LAMA2: variants seen among roughly 807,000 people sequenced by gnomAD.
LAMA2 encodes the protein laminin subunit alpha-2.
A neutral mutation model predicts 364.8 loss-of-function variants in LAMA2; 269 were observed. That is an observed-to-expected ratio of 0.74 (90% confidence interval 0.67 to 0.82). The LOEUF (loss-of-function observed/expected upper bound fraction) is 0.82. Among genes scored for constraint, LAMA2 ranks in the 40% least tolerant of loss-of-function variants. LAMA2 has a pLI of 0.00. For synonymous variants in LAMA2, 1,379 were observed against 1,370.6 expected, an observed-to-expected ratio of 1.01 and a Z score of -0.14; for missense variants, 3,807 against 3,873.2, an observed-to-expected ratio of 0.98 and a Z score of 0.45.
intron 1 of LAMA2, among the ~76,000 whole-genome samples, chr6:128,986,347 G>A (rs1298888252): frequency 6.6e-6 from 1 of 151,966 alleles, no homozygotes; most frequent in Non-Finnish European, 1.5e-5. Flanking sequence ...AGTGAAAAAG[G>A]GTATTTCAAG....
chr6:129,338,175 G>A (rs1415584597), intron 29 of LAMA2, among the ~76,000 whole-genome samples: 1 of 152,040 alleles, frequency 6.6e-6, no homozygotes, highest in Non-Finnish European at 1.5e-5. Context: ...ATGATTATTG[G>A]CTTTAAGGAT....
At chr6:129,216,407 T>C (rs1783426109) in intron 12 of LAMA2, among the ~76,000 whole-genome samples, 1 of 152,182 alleles carries the variant, frequency 6.6e-6, no homozygotes, top group Non-Finnish European at 1.5e-5. Flanking sequence ...AGACACATAG[T>C]TATCTGAATT....
intron 16 of LAMA2, among the ~76,000 whole-genome samples, chr6:129,269,378 T>TA (rs11380655): frequency 5.9e-5 from 9 of 151,650 alleles, no homozygotes; most frequent in African/African-American, 9.7e-5. Context: ...TTTTTTTTTT[T>TA]ATTTCCATTA....
intron 3 of LAMA2, among the ~76,000 whole-genome samples, chr6:129,081,192 A>G (rs978554584): frequency 6.7e-6 from 1 of 149,284 alleles, no homozygotes; most frequent in African/African-American, 2.4e-5. Context: ...GAAACGAACA[A>G]TGAGAACACT....
rs183222020 is a variant in LAMA2, at chr6:129,240,626, T to C, written c.1783-9486T>C. Among the ~76,000 whole-genome samples, 158 of 152,340 alleles carry C rather than the reference T, an allele frequency of 1.0e-3. 1 individual carries two copies. Among genetic ancestry groups the C allele is most frequent in the Middle Eastern group, 6.8e-3 (2 of 294 alleles). On this transcript the variant is annotated intron_variant, in intron 12 of 64. Transcript: ENST00000421865. ...CTCTCTTAAATGGTGGTGTCATGAA[T>C]TGATCACAGTGCTCTGGATGTGCTC...
intron 1 of LAMA2, among the ~76,000 whole-genome samples, chr6:128,940,262 G>T (rs1780071999): frequency 6.6e-6 from 1 of 151,912 alleles, no homozygotes; most frequent in Non-Finnish European, 1.5e-5. Flanking sequence ...TCATCAGACT[G>T]TCTCCCTAGA....
At chr6:129,244,110 C>T (rs1460492876) in intron 12 of LAMA2, among the ~76,000 whole-genome samples, 1 of 152,090 alleles carries the variant, frequency 6.6e-6, no homozygotes, top group East Asian at 1.9e-4. Context: ...ACACCTACAA[C>T]TCTGGTTCAT....
At chr6:128,961,180 G>A (rs1011915649) in intron 1 of LAMA2, among the ~76,000 whole-genome samples, 2 of 150,792 alleles carry the variant, frequency 1.3e-5, no homozygotes, top group Admixed American at 1.3e-4. Context: ...TCTACAATAT[G>A]TAGATTTTCA....
chr6:129,302,272 T>A (rs1389157218), intron 22 of LAMA2, among the ~76,000 whole-genome samples: 1 of 152,156 alleles, frequency 6.6e-6, no homozygotes, highest in East Asian at 1.9e-4. Flanking sequence ...TGCCCAGTAA[T>A]GTTGGGAATC....
chr6:129,087,936 C>A (rs1774482992), intron 3 of LAMA2, among the ~76,000 whole-genome samples: 1 of 147,596 alleles, frequency 6.8e-6, no homozygotes, highest in Admixed American at 6.8e-5. Context: ...TTGGGTGTTT[C>A]TCACAGAGGG....
chr6:128,901,838 T>G (rs1055976671), intron 1 of LAMA2, among the ~76,000 whole-genome samples: 1 of 152,228 alleles, frequency 6.6e-6, no homozygotes, highest in African/African-American at 2.4e-5. Flanking sequence ...ATTATTTAAT[T>G]CATAATGTCT....
At chr6:128,888,674 T>G (rs1776282554) in intron 1 of LAMA2, among the ~76,000 whole-genome samples, 1 of 152,146 alleles carries the variant, frequency 6.6e-6, no homozygotes, top group African/African-American at 2.4e-5. Context: ...AGCAGGCCTA[T>G]GAGGATCTAA....
intron 29 of LAMA2, among the ~76,000 whole-genome samples, chr6:129,339,679 A>C (rs2114561414): frequency 6.6e-6 from 1 of 152,302 alleles, no homozygotes; most frequent in South Asian, 2.1e-4. Context: ...TAGCCGCAGA[A>C]GTAGGAGAAA....
Position 129,099,885 on chromosome 6 carries a change from C to T in LAMA2, c.639+1470C>T, listed in dbSNP as rs146418269. Among the ~76,000 whole-genome samples the T allele has an allele frequency of 7.6e-4, 115 of 152,300 alleles. 1 individual carries two copies. The East Asian group carries it at 0.018, about 24-fold the overall frequency. ...GCAGTGAGTCAAACAGCTGTTCAAC[C>T]TGCTTTGTGCCTAGAGGCATCCAAT... is the stretch of plus-strand genomic sequence containing the variant. On this transcript the variant is annotated intron_variant, in intron 4 of 64. Coordinates refer to ENST00000421865, the MANE Select transcript of LAMA2 (RefSeq NM_000426.4).
intron 3 of LAMA2, among the ~76,000 whole-genome samples, chr6:129,066,611 G>T (rs868355420): frequency 9.3e-5 from 1 of 10,764 alleles, no homozygotes; most frequent in Non-Finnish European, 3.1e-4. Context: ...ACCACAAAAG[G>T]TGCTAAAGCA....
At chr6:129,177,643 A>G in intron 9 of LAMA2, 63 bp from the exon 10 acceptor site, 3 of 1,536,234 alleles carry the variant, frequency 2.0e-6, no homozygotes, top group Non-Finnish European at 2.7e-6. Context: ...TGTCATTAAA[A>G]CTTTAACAAC....
intron 3 of LAMA2, among the ~76,000 whole-genome samples, chr6:129,076,687 A>C (rs187193752): frequency 6.6e-6 from 1 of 151,612 alleles, no homozygotes; most frequent in African/African-American, 2.4e-5. Flanking sequence ...ATTGTGTGGA[A>C]AAAAGATAGC....
At chr6:129,331,225 A>G (rs925282517) in intron 29 of LAMA2, among the ~76,000 whole-genome samples, 2 of 152,138 alleles carry the variant, frequency 1.3e-5, no homozygotes, top group Non-Finnish European at 2.9e-5. Context: ...CAATTGTGCC[A>G]TCTAATCTCA....
At chr6:129,228,559 C>A (rs1784479947) in intron 12 of LAMA2, among the ~76,000 whole-genome samples, 1 of 152,002 alleles carries the variant, frequency 6.6e-6, no homozygotes, top group African/African-American at 2.4e-5. Flanking sequence ...TATTTCATTT[C>A]TCATACTTCA....
Sources: gnomAD v4.1 joint callset for allele counts (sites outside exome capture counted in the v4.1 genomes callset) on GRCh38, gnomAD v4.1.1 for gene constraint, MANE v1.5 for transcripts, NCBI Gene and HGNC (gene_info 2026-07-23, HGNC 2026-07-21) for gene names.